The following TTC21B variants were observed in gnomAD, a reference collection of about 807,000 sequenced individuals.
TTC21B encodes the protein tetratricopeptide repeat domain 21B.
Under a neutral mutation model 175.1 loss-of-function variants are expected in TTC21B, and 127 were observed. The observed-to-expected ratio is 0.73, with a 90% CI of 0.63 to 0.84. The LOEUF (loss-of-function observed/expected upper bound fraction) is 0.84. Among genes scored for constraint, TTC21B ranks in the 40% least tolerant of loss-of-function variants. The pLI is 0.00. For synonymous variants in TTC21B, 524 were observed against 524.5 expected (o/e 1.00, Z 0.01); for missense variants, 1,561 against 1,558.3 (o/e 1.00, Z -0.03).
At chr2:165,944,318 A>C (rs1430147597) in intron 4 of TTC21B, among the ~76,000 whole-genome samples, 2 of 152,152 alleles carry the variant, frequency 1.3e-5, no homozygotes. Flanking sequence ...TTCTTATGCC[A>C]ATGTATTTTC....
At chr2:165,897,022 A>G (rs1685389487) in intron 22 of TTC21B, among the ~76,000 whole-genome samples, 1 of 152,044 alleles carries the variant, frequency 6.6e-6, no homozygotes, top group African/African-American at 2.4e-5. Context: ...ATCTTGAACC[A>G]TGAGGTGATG....
chr2:165,893,242 A>T (rs1685254225), intron 22 of TTC21B, among the ~76,000 whole-genome samples: 1 of 152,218 alleles, frequency 6.6e-6, no homozygotes, highest in Non-Finnish European at 1.5e-5. Context: ...TACAAATGTT[A>T]TTAATAATAT....
At chr2:165,919,153 T>C in intron 13 of TTC21B, 123 bp downstream of exon 13, 1 of 1,098,838 alleles carries the variant, frequency 9.1e-7, no homozygotes, top group Non-Finnish European at 1.3e-6. Flanking sequence ...GTGAGTTCCA[T>C]TTTTTTTTCC....
intron 1 of TTC21B, among the ~76,000 whole-genome samples, chr2:165,950,614 G>A (rs912808100): frequency 7.2e-5 from 11 of 152,116 alleles, no homozygotes; most frequent in Admixed American, 4.6e-4. Flanking sequence ...AGACAGCTCT[G>A]GTTTGTTTGT....
chr2:165,926,755 C>T (rs1686644241), intron 11 of TTC21B, among the ~76,000 whole-genome samples: 1 of 151,710 alleles, frequency 6.6e-6, no homozygotes, highest in Non-Finnish European at 1.5e-5. Context: ...GAATATAAAG[C>T]AGGGAGAAAA....
chr2:165,914,657 C>CTGTG (rs551411661), intron 15 of TTC21B, among the ~76,000 whole-genome samples: 2,804 of 118,102 alleles, frequency 0.024, 58 homozygotes, highest in East Asian at 0.039. Flanking sequence ...GAAGAGCAAT[C>CTGTG]TGTGTGTGTG....
chr2:165,927,324 T>C lies in TTC21B; in HGVS notation c.1386+1811A>G, dbSNP rs1395072310. 5.7e-4 allele frequency among the ~76,000 whole-genome samples: 34 copies of C among 59,212 alleles called. 5 individuals are homozygous for C. The highest frequency in any genetic ancestry group is 2.0e-3 in the Admixed American group (10 of 4,976). The allele number at this position is 59,212 out of a possible 152,430, so 38.8% of individuals were successfully genotyped here. A position where few individuals can be genotyped will look rare whatever the true frequency, so the allele number is the denominator to read the frequency against. On this transcript the variant is annotated intron_variant, in intron 11 of 28. Coordinates refer to ENST00000243344, the MANE Select transcript of TTC21B (RefSeq NM_024753.5). ...TATATATATTATATATTATATAATA[T>C]ATATATAATATATAATATATATATA...
In TTC21B at chr2:165,884,178, T is replaced by A. The variant is rs548444147; in HGVS notation, c.3460-160A>T. On this transcript the variant is annotated intron_variant, in intron 25 of 28. Transcript: ENST00000243344. ...ACAGGTCATTATTTAACACATCAAG[T>A]ACCCTCAAGCTACTATGAAGAAAAC... Among the ~76,000 whole-genome samples the A allele has an allele frequency of 5.9e-5, 9 of 152,330 alleles. No individual in the cohort carries two copies. In the East Asian group the frequency reaches 1.7e-3, roughly 29 times the overall value.
In TTC21B at chr2:165,918,921, C is replaced by T. The variant is rs1208682782; in HGVS notation, c.1674+355G>A. On this transcript the variant is annotated intron_variant, in intron 13 of 28. Coordinates refer to ENST00000243344, the MANE Select transcript of TTC21B (RefSeq NM_024753.5). ...TAAACAGACAATTATTATCTTTATACATAAAAATATTTGACATAAGGATCA... is the reference window on the plus strand; with the variant it reads ...TAAACAGACAATTATTATCTTTATATATAAAAATATTTGACATAAGGATCA... Among the ~76,000 whole-genome samples the T allele has an allele frequency of 2.6e-5, 4 of 152,120 alleles. No homozygotes were observed. The South Asian group carries it at 6.2e-4, about 24-fold the overall frequency.
At chr2:165,932,828 A>G in intron 7 of TTC21B, 145 bp downstream of exon 7, 1 of 705,428 alleles carries the variant, frequency 1.4e-6, no homozygotes, top group Non-Finnish European at 2.4e-6. Flanking sequence ...GGTATACTCT[A>G]GTAATCAACT....
chr2:165,916,796 C>T (rs1574101810), intron 14 of TTC21B, among the ~76,000 whole-genome samples: 1 of 152,096 alleles, frequency 6.6e-6, no homozygotes, highest in African/African-American at 2.4e-5. Flanking sequence ...CAGGGGCTTA[C>T]AGGAAGTTTA....
intron 15 of TTC21B, 152 bp from the exon 16 acceptor site, chr2:165,913,798 C>A: frequency 1.6e-6 from 1 of 625,966 alleles, no homozygotes; most frequent in Non-Finnish European, 2.8e-6. Flanking sequence ...ATAAAAACCT[C>A]ATGCATACCC....
chr2:165,904,069 G>T (rs1433607067), intron 19 of TTC21B, among the ~76,000 whole-genome samples: 3 of 152,068 alleles, frequency 2.0e-5, no homozygotes, highest in African/African-American at 7.3e-5. Context: ...TGCTTCATAT[G>T]TCTGCTTTTA....
Position 165,930,331 on chromosome 2 carries a change from G to C in TTC21B, c.928C>G (p.Gln310Glu), listed in dbSNP as rs1686841950. 9 of 1,611,732 alleles carry C rather than the reference G, an allele frequency of 5.6e-6. No homozygotes were observed. The highest frequency in any genetic ancestry group is 7.6e-6 in the Non-Finnish European group (9 of 1,178,728). Reference sequence around the variant, plus strand: ...CTAAAAGCTCTCTCAAGTAACGTTTGAATTTTTTGAAGAATAAGTTGACTA... The same window carrying C: ...CTAAAAGCTCTCTCAAGTAACGTTTCAATTTTTTGAAGAATAAGTTGACTA... Reference protein sequence around the residue: ...GRSQLILQKIQTLLERAFSLN... With the variant: ...GRSQLILQKIETLLERAFSLN... Residue 310 changes from glutamine (Q) to glutamate (E), a missense_variant, in exon 9 of 29, where the codon CAA becomes GAA. Physicochemically the swap from Gln to Glu is conservative, Grantham distance 29. Coordinates refer to ENST00000243344, the MANE Select transcript of TTC21B (RefSeq NM_024753.5).
At chr2:165,891,102 T>C in intron 22 of TTC21B, 114 bp from the exon 23 acceptor site, 1 of 945,742 alleles carries the variant, frequency 1.1e-6, no homozygotes, top group South Asian at 1.6e-5. Context: ...ATTTTAAATA[T>C]AAATAAAAAA....
chr2:165,901,991 C>A (rs1685585427), intron 19 of TTC21B, 81 bp from the exon 20 acceptor site: 1 of 1,218,954 alleles, frequency 8.2e-7, no homozygotes, highest in Non-Finnish European at 1.2e-6. Flanking sequence ...CATAATTTTA[C>A]AGATTTATTT....
chr2:165,911,263 G>A lies in TTC21B; in HGVS notation c.2461+64C>T, dbSNP rs146198060. 1.2e-4 allele frequency: 193 copies of A among 1,559,890 alleles called. 2 individuals carry two copies. The East Asian group carries it at 3.6e-3, about 29-fold the overall frequency. ...ATTGAGAATACAAATACATATTTATGCAATATAAAAATAAAATGGATCAGA... is the reference window on the plus strand; with the variant it reads ...ATTGAGAATACAAATACATATTTATACAATATAAAAATAAAATGGATCAGA... On this transcript the variant is annotated intron_variant, in intron 18 of 28. Coordinates refer to ENST00000243344, the MANE Select transcript of TTC21B (RefSeq NM_024753.5).
At chr2:165,889,506 G>A (rs1019156190) in intron 24 of TTC21B, among the ~76,000 whole-genome samples, 6 of 152,040 alleles carry the variant, frequency 3.9e-5, no homozygotes, top group African/African-American at 1.2e-4. Flanking sequence ...CTCTTTCTGA[G>A]TTTTAGTTTT....
chr2:165,924,412 A>C, intron 12 of TTC21B, 137 bp downstream of exon 12: 1 of 763,486 alleles, frequency 1.3e-6, no homozygotes, highest in Non-Finnish European at 2.0e-6. Flanking sequence ...TTTTGGATTA[A>C]AATTACTTAT....
Sources: allele counts gnomAD v4.1 joint callset (sites outside exome capture counted in the v4.1 genomes callset), GRCh38; gene constraint gnomAD v4.1.1; transcripts MANE v1.5; gene names NCBI Gene and HGNC (gene_info 2026-07-23, HGNC 2026-07-21).